Variants in SEMA4D observed in about 807,000 individuals in gnomAD.
The protein encoded by SEMA4D is semaphorin-4D.
A neutral mutation model predicts 74.8 loss-of-function variants in SEMA4D; 22 were observed. The ratio of observed to expected loss-of-function variants is 0.29; its 90% CI spans 0.21 to 0.42. SEMA4D has a LOEUF of 0.42. Ranked by LOEUF, SEMA4D falls within the 10% of genes least tolerant of loss-of-function variation. SEMA4D has a pLI of 1.00. For synonymous variants in SEMA4D, 445 were observed against 463.7 expected (o/e 0.96, Z 0.52); for missense variants, 937 against 1,118.4 (o/e 0.84, Z 2.31).
downstream of SEMA4D, among the ~76,000 whole-genome samples, chr9:89,372,718 C>T (rs559740248): frequency 3.9e-4 from 59 of 152,154 alleles, 1 homozygote; most frequent in South Asian, 9.5e-3. Flanking sequence ...CAAGGCAGTG[C>T]AGTCCTGACC....
At chr9:89,410,062 C>T (rs921456230) in intron 2 of SEMA4D, among the ~76,000 whole-genome samples, 19 of 3,284 alleles carry the variant, frequency 5.8e-3, no homozygotes, top group Non-Finnish European at 8.9e-3. Context: ...TGGCTCTCCA[C>T]GGGGTGGGCA....
chr9:89,383,882 GC>G (rs1442378431), intron 13 of SEMA4D, among the ~76,000 whole-genome samples: 2 of 152,154 alleles, frequency 1.3e-5, no homozygotes, highest in African/African-American at 4.8e-5. Context: ...CCCTGTCTCC[GC>G]CTTCCCTGGG....
chr9:89,439,109 G>A (rs1006909422), intron 2 of SEMA4D, among the ~76,000 whole-genome samples: 1 of 150,834 alleles, frequency 6.6e-6, no homozygotes, highest in African/African-American at 2.4e-5. Flanking sequence ...CGCCTCCTGA[G>A]TAGCTGGGAT....
At chr9:89,432,163 C>T (rs982483319) in intron 2 of SEMA4D, among the ~76,000 whole-genome samples, 7 of 152,266 alleles carry the variant, frequency 4.6e-5, no homozygotes, top group African/African-American at 1.7e-4. Context: ...TGCCCCTTGG[C>T]TTCCATCCAT....
At chr9:89,366,970 G>A (rs1242499452) in intron 16 of SEMA4D, among the ~76,000 whole-genome samples, 1 of 151,702 alleles carries the variant, frequency 6.6e-6, no homozygotes, top group African/African-American at 2.4e-5. Context: ...CCCCATCATG[G>A]GACCACTGAC....
chr9:89,479,660 G>A (rs1293704446), intron 1 of SEMA4D: 1 of 161,120 alleles, frequency 6.2e-6, no homozygotes, highest in African/African-American at 2.4e-5. Context: ...GCTGGCTCGG[G>A]AGTGAAGCTG....
chr9:89,364,151 G>A (rs1270462424), intron 16 of SEMA4D: 3 of 1,076,276 alleles, frequency 2.8e-6, no homozygotes, highest in Middle Eastern at 3.0e-4. Context: ...CCGTCCTGTG[G>A]ACTTCCTGCT....
At chr9:89,450,669 A>C in intron 2 of SEMA4D, 5 of 463,898 alleles carry the variant, frequency 1.1e-5, no homozygotes, top group Admixed American at 3.5e-5. Flanking sequence ...GGAAAAAAAA[A>C]AAAAAAAAAA....
At chr9:89,476,328 A>G (rs1861741290) in intron 1 of SEMA4D, among the ~76,000 whole-genome samples, 1 of 152,234 alleles carries the variant, frequency 6.6e-6, no homozygotes, top group South Asian at 2.1e-4. Flanking sequence ...AGCACTGACC[A>G]GTGTGATGGC....
chr9:89,363,746 C>T, exon 17 of SEMA4D: 1 of 1,612,168 alleles, frequency 6.2e-7, no homozygotes, highest in Non-Finnish European at 8.5e-7. Flanking sequence ...CTTACCAGGT[C>T]TCATCACAGC....
intron 1 of SEMA4D, among the ~76,000 whole-genome samples, chr9:89,488,296 T>G (rs1408871820): frequency 6.8e-6 from 1 of 147,334 alleles, no homozygotes; most frequent in Non-Finnish European, 1.5e-5. Context: ...TGTAAAACAA[T>G]GAACCTCAAT....
intron 16 of SEMA4D, chr9:89,368,575 T>G (rs1183634725): frequency 6.6e-6 from 1 of 152,350 alleles, no homozygotes; most frequent in African/African-American, 2.4e-5. Flanking sequence ...TCTGTTGAAG[T>G]CACAGAGTAG....
At chr9:89,387,749 T>A in intron 11 of SEMA4D, 141 bp from the exon 12 acceptor site, 2 of 673,524 alleles carry the variant, frequency 3.0e-6, no homozygotes, top group Non-Finnish European at 5.1e-6. Context: ...TAGCAGTGAA[T>A]AACTTTACTA....
intron 16 of SEMA4D, among the ~76,000 whole-genome samples, chr9:89,371,438 G>GTC (rs1474383650): frequency 4.4e-5 from 5 of 114,584 alleles, no homozygotes; most frequent in African/African-American, 6.2e-5. Flanking sequence ...GTGTGTGTGT[G>GTC]GGGTGTGGTG....
intron 2 of SEMA4D, among the ~76,000 whole-genome samples, chr9:89,431,213 A>C (rs1849207616): frequency 1.3e-5 from 2 of 152,176 alleles, no homozygotes; most frequent in Admixed American, 6.5e-5. Flanking sequence ...CCTGACTGGC[A>C]CGTTCCAAGC....
chr9:89,371,998 GTCT>G (rs1835033813), intron 16 of SEMA4D, among the ~76,000 whole-genome samples: 3 of 12,392 alleles, frequency 2.4e-4, no homozygotes, highest in East Asian at 3.1e-3. Context: ...TGTGGTGTGT[GTCT>G]GGGGTGTGGT....
Position 89,386,445 on chromosome 9 carries a change from G to C in SEMA4D, c.1368C>G (p.His456Gln). Residue 456 changes from histidine to glutamine, a missense_variant, in exon 13 of 16, where the codon CAC becomes CAG. By Grantham distance (24) the His-to-Gln change is conservative. Transcript: ENST00000422704. ...GGGTCTCCTCGATGATGTGAACAGC[G>C]TGCTCGAGGCTGATGGCTTTGTGCA... ...GALHKAISLEHAVHIIEETQL... is the reference protein window; with the variant it reads ...GALHKAISLEQAVHIIEETQL... 1 of 1,614,074 alleles carries C rather than the reference G, an allele frequency of 6.2e-7. No homozygotes were observed. The highest frequency in any genetic ancestry group is 1.1e-5 in the South Asian group (1 of 91,084).
chr9:89,402,954 C>T lies in SEMA4D; in HGVS notation c.169G>A (p.Glu57Lys), dbSNP rs775789290. The T allele has an allele frequency of 2.0e-5, 33 of 1,613,890 alleles. No individual in the cohort carries two copies. The highest frequency in any genetic ancestry group is 1.6e-4 in the Middle Eastern group (1 of 6,082). Reference sequence around the variant, plus strand: ...CCTATGTACAAGGTGTCCTTGTCCTCGCTCAGCAGCAAGGCTGAGTAGTTG... The same window carrying T: ...CCTATGTACAAGGTGTCCTTGTCCTTGCTCAGCAGCAAGGCTGAGTAGTTG... ...IYNYSALLLSEDKDTLYIGAR... is the reference protein window; with the variant it reads ...IYNYSALLLSKDKDTLYIGAR... Residue 57 changes from glutamate to lysine, a missense_variant, in exon 4 of 16, where the codon GAG becomes AAG. Physicochemically the swap from Glu to Lys is moderately conservative, Grantham distance 56. Transcript: ENST00000422704.
chr9:89,363,961 A>G, intron 16 of SEMA4D: 1 of 1,614,062 alleles, frequency 6.2e-7, no homozygotes, highest in Non-Finnish European at 8.5e-7. Context: ...CTGGGGACAC[A>G]GACCGTTTCC....
Sources: allele counts gnomAD v4.1 joint callset (sites outside exome capture counted in the v4.1 genomes callset), GRCh38; gene constraint gnomAD v4.1.1; transcripts MANE v1.5; gene names NCBI Gene and HGNC (gene_info 2026-07-23, HGNC 2026-07-21).